Variants in ESPL1 observed in about 807,000 individuals in gnomAD.
ESPL1 encodes the protein separin.
ESPL1 carries 50 observed loss-of-function variants against 217.2 expected under a neutral mutation model. The observed-to-expected ratio is 0.23, with a 90% CI of 0.18 to 0.29. ESPL1 has a LOEUF of 0.29. Ranked by LOEUF, ESPL1 falls within the 10% of genes least tolerant of loss-of-function variation. The pLI is 1.00. For synonymous variants in ESPL1, 994 were observed against 1,081.3 expected (o/e 0.92, Z 1.58); for missense variants, 1,834 against 2,603.0 (o/e 0.70, Z 6.43).
Position 53,283,461 on chromosome 12 carries a change from C to T in ESPL1, c.3000C>T (p.Arg1000=). The change falls in exon 16 of 31, where the codon CGC becomes CGT. Residue 1000 remains arginine, a synonymous_variant. Transcript: ENST00000257934. ...AGAAGCTGGTCTGCCACCTGGGCCG[C>T]CTGGGTAGTGTGAGTGAAGCCAAGG... ...CSEKLVCHLG[R]LGSVSEAKAF... 6.2e-7 allele frequency: 1 copy of T among 1,614,150 alleles called. No homozygotes were observed. Among genetic ancestry groups the T allele is most frequent in the Non-Finnish European group, 8.5e-7 (1 of 1,180,024 alleles).
intron 25 of ESPL1, among the ~76,000 whole-genome samples, 167 bp downstream of exon 25, chr12:53,291,163 A>G (rs10783564): frequency 0.97 from 147,416 of 152,186 alleles, 71,554 homozygotes; most frequent in East Asian, 1. Flanking sequence ...TTAGCTGGGC[A>G]TGGTGGCAGG....
chr12:53,293,633 T>C lies in ESPL1; in HGVS notation c.*159T>C. ...ACCTCAGTATAATAAAGATACATCA[T>C]TTAAACCCTGTTTTGCGTAGTTTAT... is the stretch of plus-strand genomic sequence containing the variant. On this transcript the variant is annotated 3_prime_UTR_variant, in exon 31 of 31. Coordinates refer to ENST00000257934, the MANE Select transcript of ESPL1 (RefSeq NM_012291.5). The surrounding 1 kb of genome is among the most constrained non-coding windows in gnomAD (Gnocchi z 4.2). 1.6e-6 allele frequency: 1 copy of C among 625,910 alleles called. No homozygotes were observed. The highest frequency in any genetic ancestry group is 2.8e-6 in the Non-Finnish European group (1 of 358,474). 38.8% of individuals were successfully genotyped at this position (625,910 alleles called of 1,614,324 possible). A position where few individuals can be genotyped will look rare whatever the true frequency, so the allele number is the denominator to read the frequency against.
At chr12:53,274,771 C>T (rs1188813054) in intron 6 of ESPL1, 46 bp from the exon 7 acceptor site, 2 of 1,500,668 alleles carry the variant, frequency 1.3e-6, no homozygotes, top group Admixed American at 3.4e-5. Context: ...ACCATACACA[C>T]TCACTGGTTC....
Position 53,274,928 on chromosome 12 carries a change from G to T in ESPL1, c.1618G>T (p.Glu540Ter). The T allele has an allele frequency of 6.2e-7, 1 of 1,606,796 alleles. No homozygotes were observed. Residue 540 changes from glutamate to a stop codon, truncating the protein, a stop_gained, in exon 7 of 31, where the codon GAA becomes TAA. Coordinates refer to ENST00000257934, the MANE Select transcript of ESPL1 (RefSeq NM_012291.5). LOFTEE classifies it high-confidence loss of function. Reference sequence around the variant, plus strand: ...GGCAGCCCTGCAACCCTGTAGCCCTGAACACATGGCTGAGCCAGTCACTTT... The same window carrying T: ...GGCAGCCCTGCAACCCTGTAGCCCTTAACACATGGCTGAGCCAGTCACTTT... Reference protein sequence around the residue: ...WLAALQPCSPEHMAEPVTFWV... With the variant: ...WLAALQPCSP
rs751338677 is a variant in ESPL1, at chr12:53,288,238, C to T, written c.4443C>T (p.Gly1481=). Residue 1481 remains glycine (G), a synonymous_variant, in exon 19 of 31, where the codon GGC becomes GGT. Transcript: ENST00000257934. ...GGGCCAGTGACCAGGCCAGGCCTGGCCCTGAGATCATGAGGACCATCCCTG... is the reference window on the plus strand; with the variant it reads ...GGGCCAGTGACCAGGCCAGGCCTGGTCCTGAGATCATGAGGACCATCCCTG... ...PQRASDQARP[G]PEIMRTIPEE... is the part of the protein sequence containing the mutation. 6.2e-7 allele frequency: 1 copy of T among 1,609,496 alleles called. No homozygotes were observed. The highest frequency in any genetic ancestry group is 2.2e-5 in the East Asian group (1 of 44,768).
intron 5 of ESPL1, among the ~76,000 whole-genome samples, chr12:53,272,028 A>C (rs913173068): frequency 1.3e-5 from 2 of 151,518 alleles, no homozygotes; most frequent in East Asian, 2.0e-4. Flanking sequence ...TGGAGCTTGC[A>C]GTGAGCCAAG....
rs1012042083 is a variant in ESPL1, at chr12:53,290,954, A to G, written c.5478A>G (p.Leu1826=). ...AGGCCTCCCGCCTACAGGAGCTGCT[A>G]CAGGACTGTGGCTGGAAATATCCTG... is the stretch of plus-strand genomic sequence containing the variant. ...AQEASRLQEL[L]QDCGWKYPDR... is the part of the protein sequence containing the mutation. Residue 1826 remains leucine, a synonymous_variant, in exon 25 of 31, where the codon CTA becomes CTG. Transcript: ENST00000257934. The G allele has an allele frequency of 2.5e-6, 4 of 1,604,958 alleles. No individual in the cohort carries two copies. Among genetic ancestry groups the G allele is most frequent in the Non-Finnish European group, 3.4e-6 (4 of 1,176,018 alleles).
rs539894607 is a variant in ESPL1 at position 53,277,563 on chromosome 12, C to A, written c.2179C>A (p.Arg727Ser). ...LNYEDKLQEDRFLYSNIAFNL... is the reference protein window; with the variant it reads ...LNYEDKLQEDSFLYSNIAFNL... ...CTATGAAGATAAACTCCAGGAAGAT[C>A]GTTTCCTATACAGTAACATTGCCTT... The change falls in exon 10 of 31, where the codon CGT becomes AGT. Residue 727 changes from arginine (R) to serine (S), a missense_variant. Around this residue, in one of 5 missense-constraint regions of ESPL1, gnomAD observed 746 missense variants for 1,077.0 expected, o/e 0.69. Transcript: ENST00000257934. The A allele has an allele frequency of 6.2e-7, 1 of 1,614,118 alleles. No individual in the cohort carries two copies. Among genetic ancestry groups the A allele is most frequent in the South Asian group, 1.1e-5 (1 of 91,076 alleles).
At chr12:53,273,006 C>A in intron 6 of ESPL1, 149 bp downstream of exon 6, 2 of 665,272 alleles carry the variant, frequency 3.0e-6, no homozygotes, top group Non-Finnish European at 5.0e-6. Context: ...TCCCAAACCT[C>A]ACTGTACTGT....
intron 17 of ESPL1, 52 bp from the exon 18 acceptor site, chr12:53,285,872 G>A (rs1452631655): frequency 1.3e-6 from 2 of 1,489,752 alleles, no homozygotes; most frequent in African/African-American, 1.4e-5. Flanking sequence ...CTCAGGAAGT[G>A]CTTGATGCCA....
Position 53,293,047 on chromosome 12 carries a change from A to G in ESPL1, c.6161+77A>G. ...ACCCCAGGTTCTTTCCCAGGTCTGA[A>G]TCTTGCCTCTCTTGTGCCCCATTTT... On this transcript the variant is annotated intron_variant, in intron 30 of 30. Coordinates refer to ENST00000257934, the MANE Select transcript of ESPL1 (RefSeq NM_012291.5). The surrounding 1 kb of genome is among the most constrained non-coding windows in gnomAD (Gnocchi z 4.2). 7.0e-7 allele frequency: 1 copy of G among 1,420,988 alleles called. No homozygotes were observed. The highest frequency in any genetic ancestry group is 1.3e-5 in the South Asian group (1 of 77,856). 88.0% of individuals were successfully genotyped at this position (1,420,988 alleles called of 1,614,324 possible).
At chr12:53,289,858 A>G (rs1267210756) in intron 22 of ESPL1, 3 of 605,378 alleles carry the variant, frequency 5.0e-6, no homozygotes, top group Non-Finnish European at 5.8e-6. Context: ...AAACATATTC[A>G]CATGATTTGA....
At position 53,268,740 on chromosome 12, in the gene ESPL1, TCTC is replaced by T. The variant is rs1565748830; in HGVS notation, c.-12-12_-12-10del. 6.6e-7 allele frequency: 1 copy of T among 1,524,318 alleles called. No individual in the cohort carries two copies. The highest frequency in any genetic ancestry group is 1.1e-5 in the South Asian group (1 of 87,396). 94.4% of individuals were successfully genotyped at this position (1,524,318 alleles called of 1,614,324 possible). A position where few individuals can be genotyped will look rare whatever the true frequency, so the allele number is the denominator to read the frequency against. ...TTCATTAACAATCTTCTCTAATTGG[TCTC>T]CTTTTCCCTAGCTCTCCGGTGTCAT... On this transcript the variant is annotated splice_polypyrimidine_tract_variant and intron_variant, in intron 1 of 30. Transcript: ENST00000257934.
chr12:53,278,069 T>C (rs538955018), intron 11 of ESPL1, 109 bp downstream of exon 11: 2 of 1,140,650 alleles, frequency 1.8e-6, no homozygotes, highest in African/African-American at 1.5e-5. Flanking sequence ...TGAAAGCCAG[T>C]GATGGAAGCG....
chr12:53,274,649 G>A (rs1312333997), intron 6 of ESPL1, among the ~76,000 whole-genome samples, 168 bp from the exon 7 acceptor site: 1 of 152,174 alleles, frequency 6.6e-6, no homozygotes, highest in Admixed American at 6.5e-5. Context: ...GGCACTCAGA[G>A]TATTTCATTC....
intron 12 of ESPL1, among the ~76,000 whole-genome samples, chr12:53,280,603 A>G (rs1163001298): frequency 1.3e-5 from 2 of 152,004 alleles, no homozygotes; most frequent in African/African-American, 4.8e-5. Flanking sequence ...TCCTGGGCTC[A>G]AGTGATCTCC....
chr12:53,280,426 A>G (rs1943842138), intron 12 of ESPL1, among the ~76,000 whole-genome samples: 1 of 152,166 alleles, frequency 6.6e-6, no homozygotes, highest in African/African-American at 2.4e-5. Context: ...CATTCTGTTT[A>G]TAGCATTCTG....
chr12:53,272,665 A>T, intron 5 of ESPL1, 56 bp from the exon 6 acceptor site: 1 of 1,575,856 alleles, frequency 6.3e-7, no homozygotes, highest in Admixed American at 1.7e-5. Flanking sequence ...CCTCTCCAGG[A>T]GGAGAGGGTG....
intron 6 of ESPL1, chr12:53,274,480 G>A (rs1335927458): frequency 8.9e-6 from 2 of 225,144 alleles, no homozygotes; most frequent in Admixed American, 5.3e-5. Context: ...GGTGACTGGC[G>A]GGAGGGAGAG....
Sources: gnomAD v4.1 joint callset for allele counts (sites outside exome capture counted in the v4.1 genomes callset) on GRCh38, gnomAD v4.1.1 for gene constraint, gnomAD v4.1.1 regional missense constraint, Gnocchi (gnomAD v3.1) non-coding constraint, MANE v1.5 for transcripts, NCBI Gene and HGNC (gene_info 2026-07-23, HGNC 2026-07-21) for gene names.